Variants in COQ8B observed in about 807,000 individuals in gnomAD.
The protein encoded by COQ8B is atypical kinase COQ8B, mitochondrial.
A neutral mutation model predicts 62.0 loss-of-function variants in COQ8B; 44 were observed. The observed-to-expected ratio is 0.71, with a 90% CI of 0.56 to 0.91. COQ8B has a LOEUF of 0.91. Ranked by LOEUF, COQ8B falls within the 40% of genes least tolerant of loss-of-function variation. The pLI is 0.00. For missense variants in COQ8B, 649 were observed against 731.6 expected (o/e 0.89, Z 1.30); for synonymous variants, 252 against 289.9 (o/e 0.87, Z 1.33).
At chr19:40,704,330 T>C (rs2082084350) in intron 7 of COQ8B, 1 of 155,886 alleles carries the variant, frequency 6.4e-6, no homozygotes, top group Admixed American at 6.3e-5. Flanking sequence ...TTATTATGTT[T>C]AGTAGAGACA....
chr19:40,691,842 G>A lies in COQ8B; in HGVS notation c.*193C>T. On this transcript the variant is annotated 3_prime_UTR_variant, in exon 15 of 15. Coordinates refer to ENST00000324464, the MANE Select transcript of COQ8B (RefSeq NM_024876.4). Reference sequence around the variant, plus strand: ...TCGGATACCCACTTTCGAGTGGGGAGGTGCAGGATCTAGGGCACGAAGTTG... The same window carrying A: ...TCGGATACCCACTTTCGAGTGGGGAAGTGCAGGATCTAGGGCACGAAGTTG... 2.2e-6 allele frequency: 1 copy of A among 450,834 alleles called. No individual in the cohort carries two copies. Among genetic ancestry groups the A allele is most frequent in the Middle Eastern group, 5.8e-4 (1 of 1,724 alleles). The allele number at this position is 450,834 out of a possible 1,614,324, so 27.9% of individuals were successfully genotyped here.
intron 4 of COQ8B, 123 bp downstream of exon 4, chr19:40,713,944 T>G: frequency 1.1e-5 from 12 of 1,059,336 alleles, no homozygotes; most frequent in Non-Finnish European, 1.7e-5. Context: ...GCCCTTGCCT[T>G]TGTCTCTCTT....
intron 5 of COQ8B, among the ~76,000 whole-genome samples, chr19:40,708,710 T>C (rs1220055098): frequency 2.6e-5 from 4 of 152,104 alleles, no homozygotes; most frequent in Non-Finnish European, 4.4e-5. Flanking sequence ...GGAGGATCAC[T>C]TGAGGCTAGG....
chr19:40,714,739 T>A lies in COQ8B; in HGVS notation c.-3-104A>T, dbSNP rs546962490. 1,041 of 1,318,496 alleles carry A rather than the reference T, an allele frequency of 7.9e-4. 1 individual carries two copies. Among genetic ancestry groups the A allele is most frequent in the Non-Finnish European group, 9.9e-4 (968 of 977,132 alleles). The allele number at this position is 1,318,496 out of a possible 1,614,324, so 81.7% of individuals were successfully genotyped here. The stretch of plus-strand genomic sequence containing the variant: ...CCCTCTCTCATTCCCACCCACTAAA[T>A]ACTTCCTCCACTATTAATAGATTCC... On this transcript the variant is annotated intron_variant, in intron 1 of 14. Transcript: ENST00000324464.
At chr19:40,701,259 G>A (rs2082058409) in intron 10 of COQ8B, 1 of 152,286 alleles carries the variant, frequency 6.6e-6, no homozygotes, top group African/African-American at 2.4e-5. Flanking sequence ...AGCCTGGGAG[G>A]TCGAGGCTGG....
intron 12 of COQ8B, among the ~76,000 whole-genome samples, chr19:40,697,941 C>T (rs1029368512): frequency 6.1e-5 from 9 of 148,316 alleles, no homozygotes; most frequent in African/African-American, 2.0e-4. Flanking sequence ...CAAGGCCAGG[C>T]GCAATGGCTC....
intron 5 of COQ8B, among the ~76,000 whole-genome samples, chr19:40,708,920 ACC>A: frequency 7.2e-6 from 1 of 137,990 alleles, no homozygotes; most frequent in Admixed American, 8.0e-5. Flanking sequence ...ACACAGCAAG[ACC>A]CTGTCTCCAA....
At chr19:40,701,029 A>C (rs1460708993) in intron 10 of COQ8B, 1 of 153,828 alleles carries the variant, frequency 6.5e-6, no homozygotes, top group Non-Finnish European at 1.4e-5. Flanking sequence ...CGGATTATAG[A>C]TTGAGGTAAG....
At chr19:40,710,247 A>AT (rs1282584108) in intron 4 of COQ8B, 111 bp from the exon 5 acceptor site, 25 of 1,058,154 alleles carry the variant, frequency 2.4e-5, no homozygotes, top group Admixed American at 1.9e-4. Flanking sequence ...AACTCTTTTT[A>AT]TTTTTTCTTT....
intron 12 of COQ8B, among the ~76,000 whole-genome samples, chr19:40,697,040 G>A (rs1482932161): frequency 6.6e-6 from 1 of 152,116 alleles, no homozygotes; most frequent in Non-Finnish European, 1.5e-5. Flanking sequence ...ATCTGGCTGA[G>A]GAATACTGTG....
At position 40,692,084 on chromosome 19, in the gene COQ8B, G is replaced by C; in HGVS notation, c.1586C>G (p.Thr529Ser). The change falls in exon 15 of 15, where the codon ACT (threonine) becomes AGT (serine). Residue 529 changes from threonine (T) to serine (S), a missense_variant. Coordinates refer to ENST00000324464, the MANE Select transcript of COQ8B (RefSeq NM_024876.4). ...CCCTTTGGTGGGGAGGCTGCCGGCA[G>C]TGGCTGCGTCTGGCTGGCGACTGGC... Reference protein sequence around the residue: ...YWASRQPDAATAGSLPTKGDS... With the variant: ...YWASRQPDAASAGSLPTKGDS... The C allele has an allele frequency of 1.2e-6, 2 of 1,609,110 alleles. No homozygotes were observed. Among genetic ancestry groups the C allele is most frequent in the Non-Finnish European group, 1.7e-6 (2 of 1,177,920 alleles).
chr19:40,714,705 C>T, intron 1 of COQ8B, 70 bp from the exon 2 acceptor site: 3 of 1,414,168 alleles, frequency 2.1e-6, no homozygotes, highest in Non-Finnish European at 2.9e-6. Flanking sequence ...CCATGTTCCT[C>T]TGTGTCCACC....
At chr19:40,695,748 G>T (rs190963438) in intron 13 of COQ8B, among the ~76,000 whole-genome samples, 1 of 152,108 alleles carries the variant, frequency 6.6e-6, no homozygotes, top group Non-Finnish European at 1.5e-5. Context: ...GGCCTAAAAC[G>T]GGCCTAAAAA....
At chr19:40,695,494 AG>A (rs1335751310) in intron 13 of COQ8B, among the ~76,000 whole-genome samples, 1 of 152,126 alleles carries the variant, frequency 6.6e-6, no homozygotes, top group Non-Finnish European at 1.5e-5. Flanking sequence ...CAAGTACGTG[AG>A]GAAACACCTC....
chr19:40,704,967 AT>A, intron 7 of COQ8B, 128 bp downstream of exon 7: 1 of 866,200 alleles, frequency 1.2e-6, no homozygotes, highest in East Asian at 2.7e-5. Flanking sequence ...TACTCTGGTG[AT>A]TCCCATTTTA....
chr19:40,707,833 C>T (rs928578343), intron 5 of COQ8B, among the ~76,000 whole-genome samples: 2 of 152,150 alleles, frequency 1.3e-5, no homozygotes, highest in African/African-American at 2.4e-5. Context: ...GATAATATTC[C>T]ATTGTATGCC....
chr19:40,703,236 G>A, intron 9 of COQ8B: 2 of 381,742 alleles, frequency 5.2e-6, no homozygotes, highest in South Asian at 4.0e-5. Flanking sequence ...CCCCAGGACT[G>A]TCCTTTTCTG....
rs929295210 is a variant in COQ8B, at chr19:40,716,597, A to G, written c.-14T>C. The G allele has an allele frequency of 6.6e-6, 1 of 152,272 alleles. No homozygotes were observed. Among genetic ancestry groups the G allele is most frequent in the East Asian group, 1.9e-4 (1 of 5,192 alleles). The allele number at this position is 152,272 out of a possible 1,614,324, so 9.4% of individuals were successfully genotyped here. Reference sequence around the variant, plus strand: ...ACAGAGATTTCTTACGGAAAATCCAATGGAGCGTAAGTCATTTGCTCAGGG... The same window carrying G: ...ACAGAGATTTCTTACGGAAAATCCAGTGGAGCGTAAGTCATTTGCTCAGGG... On this transcript the variant is annotated 5_prime_UTR_variant, in exon 1 of 15. Transcript: ENST00000324464.
intron 4 of COQ8B, among the ~76,000 whole-genome samples, chr19:40,712,593 C>G (rs1463155370): frequency 6.6e-6 from 1 of 151,830 alleles, no homozygotes; most frequent in East Asian, 1.9e-4. Flanking sequence ...ATCTCAAAAA[C>G]AAAAACAAAA....
Sources: gnomAD v4.1 joint callset for allele counts (sites outside exome capture counted in the v4.1 genomes callset) on GRCh38, gnomAD v4.1.1 for gene constraint, MANE v1.5 for transcripts, NCBI Gene and HGNC (gene_info 2026-07-23, HGNC 2026-07-21) for gene names.